Variants in C3orf20 observed in about 807,000 individuals in gnomAD.
The protein encoded by C3orf20 is uncharacterized protein C3orf20.
In C3orf20, 76 loss-of-function variants were observed where a neutral mutation model predicts 88.3. The observed-to-expected ratio is 0.86, with a 90% CI of 0.72 to 1.04. The LOEUF is 1.04. Among genes scored for constraint, C3orf20 ranks in the 50% least tolerant of loss-of-function variants. The pLI is 0.00. For missense variants in C3orf20, 1,056 were observed against 1,123.3 expected (o/e 0.94, Z 0.86); for synonymous variants, 436 against 437.4 (o/e 1.00, Z 0.04).
intron 12 of C3orf20, among the ~76,000 whole-genome samples, chr3:14,754,433 A>T (rs2035305282): frequency 6.6e-6 from 1 of 152,240 alleles, no homozygotes; most frequent in Admixed American, 6.5e-5. Context: ...AGGGGCTGTC[A>T]TTCCATGGAT....
At chr3:14,723,912 G>A (rs567187693) in intron 10 of C3orf20, among the ~76,000 whole-genome samples, 1 of 152,020 alleles carries the variant, frequency 6.6e-6, no homozygotes, top group African/African-American at 2.4e-5. Flanking sequence ...TGCAGCCTCC[G>A]CCTCCTAGGT....
At chr3:14,700,029 A>G (rs899545896) in intron 5 of C3orf20, among the ~76,000 whole-genome samples, 2 of 152,192 alleles carry the variant, frequency 1.3e-5, no homozygotes, top group African/African-American at 2.4e-5. Context: ...CCACTGTGAC[A>G]GGAAAGCACT....
intron 12 of C3orf20, among the ~76,000 whole-genome samples, chr3:14,737,123 T>C (rs925367676): frequency 6.6e-6 from 1 of 152,202 alleles, no homozygotes; most frequent in Non-Finnish European, 1.5e-5. Context: ...ATTGTACTTA[T>C]CCAGTTTGTA....
chr3:14,736,390 A>G (rs2034711634), intron 12 of C3orf20, among the ~76,000 whole-genome samples: 1 of 151,634 alleles, frequency 6.6e-6, no homozygotes. Context: ...TCCTGGGTTC[A>G]AGCGATTATC....
rs983263238 is a variant in C3orf20 at position 14,772,984 on chromosome 3, A to G, written c.*109A>G. 2.5e-6 allele frequency: 2 copies of G among 802,138 alleles called. No homozygotes were observed. The highest frequency in any genetic ancestry group is 1.7e-5 in the African/African-American group (1 of 58,408). The allele number at this position is 802,138 out of a possible 1,614,324, so 49.7% of individuals were successfully genotyped here. A position where few individuals can be genotyped will look rare whatever the true frequency, so the allele number is the denominator to read the frequency against. ...CTCCCACCCTGTCCTCCAAGCTTCT[A>G]TAATAAACCAGCGGGCCTCCAGCAT... is the stretch of plus-strand genomic sequence containing the variant. On this transcript the variant is annotated 3_prime_UTR_variant, in exon 17 of 17. Transcript: ENST00000253697. This position sits in a 1 kb window ranked among gnomAD's most constrained non-coding sequence, Gnocchi z 4.2.
chr3:14,689,914 A>G (rs2032632040), intron 4 of C3orf20, 83 bp from the exon 5 acceptor site: 1 of 1,591,576 alleles, frequency 6.3e-7, no homozygotes, highest in Non-Finnish European at 8.6e-7. Context: ...GTACTACTAG[A>G]ACAAGAAATC....
intron 5 of C3orf20, among the ~76,000 whole-genome samples, chr3:14,695,813 T>A (rs917731452): frequency 2.6e-5 from 4 of 152,186 alleles, no homozygotes; most frequent in African/African-American, 9.6e-5. Flanking sequence ...CTCCTGCTCT[T>A]TTTTGATTTC....
At chr3:14,678,224 G>C (rs566374566) in intron 1 of C3orf20, among the ~76,000 whole-genome samples, 1 of 152,268 alleles carries the variant, frequency 6.6e-6, no homozygotes, top group South Asian at 2.1e-4. Context: ...TGCTGCGTGT[G>C]TGCTGACCCT....
At chr3:14,703,868 G>A (rs986291995) in intron 6 of C3orf20, among the ~76,000 whole-genome samples, 2 of 152,148 alleles carry the variant, frequency 1.3e-5, no homozygotes, top group African/African-American at 4.8e-5. Context: ...GAGGGCCCAG[G>A]CCACTGGGTG....
chr3:14,761,331 C>T, intron 14 of C3orf20, 142 bp from the exon 15 acceptor site: 1 of 959,142 alleles, frequency 1.0e-6, no homozygotes, highest in Non-Finnish European at 1.6e-6. Context: ...CCTTCCCCAG[C>T]CACCCCAGGC....
At position 14,772,155 on chromosome 3, in the gene C3orf20, G is replaced by A; in HGVS notation, c.2584G>A (p.Ala862Thr). The A allele has an allele frequency of 6.2e-7, 1 of 1,614,264 alleles. No homozygotes were observed. The highest frequency in any genetic ancestry group is 2.2e-5 in the East Asian group (1 of 44,888). Residue 862 changes from alanine to threonine, a missense_variant, in exon 16 of 17, where the codon GCC (alanine) becomes ACC (threonine). By Grantham distance (58) the Ala-to-Thr change is moderately conservative. Transcript: ENST00000253697. This position sits in a 1 kb window ranked among gnomAD's most constrained non-coding sequence, Gnocchi z 4.2. ...EDIQGSSSSL[A>T]LEDYVEKELS... ...TATCCAAGGAAGCAGCTCCTCATTG[G>A]CCCTGGAAGACTATGTGGAGAAGGA... is the stretch of plus-strand genomic sequence containing the variant.
At chr3:14,716,291 G>T (rs536213135) in intron 9 of C3orf20, among the ~76,000 whole-genome samples, 5 of 152,328 alleles carry the variant, frequency 3.3e-5, no homozygotes, top group Admixed American at 3.3e-4. Flanking sequence ...AGAACACAGG[G>T]TAGACACAGA....
At chr3:14,767,710 C>T (rs2035753658) in intron 15 of C3orf20, among the ~76,000 whole-genome samples, 1 of 152,258 alleles carries the variant, frequency 6.6e-6, no homozygotes, top group African/African-American at 2.4e-5. Flanking sequence ...TAAATTGCCA[C>T]ATGTCCCCAA....
At chr3:14,681,301 G>A (rs1378399416) in intron 1 of C3orf20, among the ~76,000 whole-genome samples, 2 of 152,232 alleles carry the variant, frequency 1.3e-5, no homozygotes, top group African/African-American at 2.4e-5. Context: ...GGCGAACTTG[G>A]GGTGGCTCCA....
chr3:14,694,754 T>C (rs970197129), intron 5 of C3orf20, among the ~76,000 whole-genome samples: 3 of 152,144 alleles, frequency 2.0e-5, no homozygotes, highest in Non-Finnish European at 4.4e-5. Context: ...CTTTTCTAGT[T>C]CTTTAAGTTG....
At chr3:14,708,006 T>G (rs891586259) in intron 7 of C3orf20, among the ~76,000 whole-genome samples, 2 of 152,096 alleles carry the variant, frequency 1.3e-5, no homozygotes, top group South Asian at 4.2e-4. Flanking sequence ...TTAGTAGAGA[T>G]GGGGTTTCTC....
At chr3:14,730,020 G>C (rs1420476547) in intron 12 of C3orf20, among the ~76,000 whole-genome samples, 1 of 152,150 alleles carries the variant, frequency 6.6e-6, no homozygotes, top group African/African-American at 2.4e-5. Context: ...AGCATTACCA[G>C]CTCCTTAGAA....
intron 15 of C3orf20, among the ~76,000 whole-genome samples, chr3:14,770,860 G>A (rs1009901810): frequency 6.6e-6 from 1 of 152,230 alleles, no homozygotes; most frequent in East Asian, 1.9e-4. Flanking sequence ...TCCCAGAGTT[G>A]CCTGCTTCCC....
intron 9 of C3orf20, among the ~76,000 whole-genome samples, chr3:14,720,739 T>A (rs144698325): frequency 6.6e-6 from 1 of 152,360 alleles, no homozygotes; most frequent in Non-Finnish European, 1.5e-5. Flanking sequence ...CACATGCAAA[T>A]TGTTCAACAG....
Sources: allele counts gnomAD v4.1 joint callset (sites outside exome capture counted in the v4.1 genomes callset), GRCh38; gene constraint gnomAD v4.1.1; non-coding constraint Gnocchi (gnomAD v3.1); transcripts MANE v1.5; gene names NCBI Gene and HGNC (gene_info 2026-07-23, HGNC 2026-07-21).